The following CSMD1 variants were observed in gnomAD, a reference collection of about 807,000 sequenced individuals.
CSMD1 encodes CUB and sushi domain-containing protein 1.
Under a neutral mutation model 417.5 loss-of-function variants are expected in CSMD1, and 213 were observed. The ratio of observed to expected loss-of-function variants is 0.51; its 90% CI spans 0.46 to 0.57. The LOEUF (loss-of-function observed/expected upper bound fraction) is 0.57, where lower values mean the gene tolerates loss of function less well. Ranked by LOEUF, CSMD1 falls within the 20% of genes least tolerant of loss-of-function variation. The pLI is 0.00. For missense variants in CSMD1, 6,923 were observed against 4,529.7 expected, an observed-to-expected ratio of 1.53 and a Z score of -15.17; for synonymous variants, 2,862 against 1,736.8, an observed-to-expected ratio of 1.65 and a Z score of -16.11.
At chr8:3,854,666 AG>A (rs1412309605) in intron 5 of CSMD1, among the ~76,000 whole-genome samples, 1 of 151,614 alleles carries the variant, frequency 6.6e-6, no homozygotes, top group Non-Finnish European at 1.5e-5. Context: ...TGTGGAAGAG[AG>A]GGGGATGGAG....
chr8:4,920,633 C>A (rs1034375607), intron 1 of CSMD1, among the ~76,000 whole-genome samples: 4 of 151,770 alleles, frequency 2.6e-5, no homozygotes, highest in African/African-American at 9.7e-5. Context: ...ACCAGCCTGA[C>A]CTACATGGTG....
intron 5 of CSMD1, among the ~76,000 whole-genome samples, chr8:3,858,059 G>C (rs1220045885): frequency 6.6e-6 from 1 of 152,224 alleles, no homozygotes; most frequent in Non-Finnish European, 1.5e-5. Flanking sequence ...TGATGGTTGT[G>C]TCTGTAAAGA....
chr8:3,397,375 T>G (rs1268749853), intron 16 of CSMD1, among the ~76,000 whole-genome samples: 1 of 152,166 alleles, frequency 6.6e-6, no homozygotes, highest in Admixed American at 6.5e-5. Context: ...GAAAACGATG[T>G]TGAAACCAAA....
chr8:3,576,446 T>G (rs745673943), intron 9 of CSMD1, among the ~76,000 whole-genome samples: 1 of 152,164 alleles, frequency 6.6e-6, no homozygotes, highest in Non-Finnish European at 1.5e-5. Context: ...CTCAGCACTG[T>G]GTACCACGCT....
intron 1 of CSMD1, among the ~76,000 whole-genome samples, chr8:4,668,945 T>C (rs1805122902): frequency 6.6e-6 from 1 of 152,334 alleles, no homozygotes; most frequent in African/African-American, 2.4e-5. Context: ...TCATCTATTA[T>C]TTCTGAACTA....
intron 1 of CSMD1, among the ~76,000 whole-genome samples, chr8:4,678,950 C>G (rs984793210): frequency 3.3e-5 from 5 of 152,138 alleles, no homozygotes; most frequent in African/African-American, 1.2e-4. Flanking sequence ...AACCAGCCAA[C>G]CTTACCAGCT....
chr8:3,503,377 T>C (rs1328755067), intron 10 of CSMD1, among the ~76,000 whole-genome samples: 3 of 152,238 alleles, frequency 2.0e-5, no homozygotes, highest in Non-Finnish European at 4.4e-5. Flanking sequence ...TATTAGCCTA[T>C]GCTACAAAAA....
chr8:4,828,959 C>G (rs936125795), intron 1 of CSMD1, among the ~76,000 whole-genome samples: 1 of 152,112 alleles, frequency 6.6e-6, no homozygotes, highest in Non-Finnish European at 1.5e-5. Context: ...CTAGTAATTC[C>G]TGTAATAGTA....
intron 3 of CSMD1, among the ~76,000 whole-genome samples, chr8:4,193,481 T>C (rs2131223268): frequency 6.6e-6 from 1 of 151,776 alleles, no homozygotes; most frequent in African/African-American, 2.4e-5. Flanking sequence ...TGATGGACAT[T>C]AGGGAAGGTG....
chr8:3,376,130 A>C (rs1342940212), intron 18 of CSMD1, among the ~76,000 whole-genome samples: 1 of 152,182 alleles, frequency 6.6e-6, no homozygotes, highest in East Asian at 1.9e-4. Context: ...CAAATACAGC[A>C]GGTTCTCAAT....
At chr8:4,859,808 G>C (rs1025454214) in intron 1 of CSMD1, among the ~76,000 whole-genome samples, 1 of 152,032 alleles carries the variant, frequency 6.6e-6, no homozygotes, top group African/African-American at 2.4e-5. Flanking sequence ...TGACACTGTT[G>C]GTGGGACTGT....
At chr8:3,935,226 T>C (rs1016106314) in intron 5 of CSMD1, among the ~76,000 whole-genome samples, 1 of 152,156 alleles carries the variant, frequency 6.6e-6, no homozygotes, top group Non-Finnish European at 1.5e-5. Flanking sequence ...CAAATGGAAA[T>C]CGTTCTTAAA....
chr8:3,706,154 C>T (rs1801156870), intron 7 of CSMD1, among the ~76,000 whole-genome samples: 1 of 152,198 alleles, frequency 6.6e-6, no homozygotes, highest in Admixed American at 6.5e-5. Context: ...ATGGAAGGCT[C>T]CTAAGGTGAA....
chr8:4,033,684 T>A (rs1174055645), intron 3 of CSMD1, among the ~76,000 whole-genome samples: 1 of 152,208 alleles, frequency 6.6e-6, no homozygotes, highest in African/African-American at 2.4e-5. Flanking sequence ...TGGCTCAGAA[T>A]AAATCTCTTC....
At chr8:3,892,199 C>T (rs1057193450) in intron 5 of CSMD1, among the ~76,000 whole-genome samples, 2 of 152,114 alleles carry the variant, frequency 1.3e-5, no homozygotes, top group Non-Finnish European at 2.9e-5. Flanking sequence ...ATGTGTAGCC[C>T]TATTTTACAA....
At chr8:3,760,118 G>A (rs1326180758) in intron 5 of CSMD1, among the ~76,000 whole-genome samples, 2 of 152,012 alleles carry the variant, frequency 1.3e-5, no homozygotes, top group Non-Finnish European at 2.9e-5. Flanking sequence ...AAGAGTAAAA[G>A]AGTAACAGGC....
chr8:4,066,107 C>G lies in CSMD1; in HGVS notation c.416-34008G>C, dbSNP rs188660757. On this transcript the variant is annotated intron_variant, in intron 3 of 69. Coordinates refer to ENST00000635120, the MANE Select transcript of CSMD1 (RefSeq NM_033225.6). ...AAACAATGAAAACAGTTCTGAGCTT[C>G]CCCTCCTGAGCCTTTGTTCAAGCTC... 3.3e-5 allele frequency among the ~76,000 whole-genome samples: 5 copies of G among 152,286 alleles called. No individual in the cohort carries two copies. The East Asian group carries it at 5.8e-4, about 18-fold the overall frequency.
At chr8:4,447,467 G>C (rs1441512752) in intron 2 of CSMD1, among the ~76,000 whole-genome samples, 1 of 152,202 alleles carries the variant, frequency 6.6e-6, no homozygotes, top group Admixed American at 6.5e-5. Flanking sequence ...ATTATTCATA[G>C]ACAGTAAACA....
chr8:4,161,892 T>C (rs541472830), intron 3 of CSMD1, among the ~76,000 whole-genome samples: 277 of 152,318 alleles, frequency 1.8e-3, no homozygotes, highest in Non-Finnish European at 3.4e-3. Context: ...AATGGTTCAG[T>C]AAGTCAAGAC....
Sources: gnomAD v4.1 joint callset for allele counts (sites outside exome capture counted in the v4.1 genomes callset) on GRCh38, gnomAD v4.1.1 for gene constraint, MANE v1.5 for transcripts, NCBI Gene and HGNC (gene_info 2026-07-23, HGNC 2026-07-21) for gene names.